The following CSTF2 variants were observed in gnomAD, a reference collection of about 807,000 sequenced individuals.
CSTF2 encodes CF-1 64 kDa subunit.
CSTF2 carries 8 observed loss-of-function variants against 45.4 expected under a neutral mutation model. That is an observed-to-expected ratio of 0.18 (90% CI 0.10 to 0.32). CSTF2 has a LOEUF of 0.32. CSTF2 is among the 10% of genes least tolerant of loss of function. The pLI is 1.00. For missense variants in CSTF2, 253 were observed against 477.1 expected, an observed-to-expected ratio of 0.53 and a Z score of 4.38; for synonymous variants, 155 against 158.9, an observed-to-expected ratio of 0.98 and a Z score of 0.18.
chrX:100,831,945 A>G (rs1271925909), intron 9 of CSTF2, among the ~76,000 whole-genome samples: 1 of 112,503 alleles, frequency 8.9e-6, no homozygotes, highest in Non-Finnish European at 1.9e-5. Flanking sequence ...GGCCGGGTGC[A>G]GTGGCTGACG....
At chrX:100,825,379 TGGG>T (rs1321767105) in intron 6 of CSTF2, among the ~76,000 whole-genome samples, 2 of 110,867 alleles carry the variant, frequency 1.8e-5, no homozygotes, top group African/African-American at 6.5e-5. Flanking sequence ...AGTAGAAAAA[TGGG>T]AAATAGACAT....
At chrX:100,825,969 T>TC (rs1209485640) in intron 6 of CSTF2, among the ~76,000 whole-genome samples, 1 of 111,920 alleles carries the variant, frequency 8.9e-6, no homozygotes, top group African/African-American at 3.2e-5. Context: ...AGTTTTGTGT[T>TC]CCTTAAACGT....
chrX:100,838,167 T>A (rs1273877454), intron 12 of CSTF2, 72 bp from the exon 13 acceptor site: 4 of 1,025,195 alleles, frequency 3.9e-6, no homozygotes, highest in Non-Finnish European at 5.1e-6. Context: ...TGGTGGTGGG[T>A]TTTTTGTTTT....
At chrX:100,821,013 G>T (rs1015844740) in intron 1 of CSTF2, among the ~76,000 whole-genome samples, 54 of 112,665 alleles carry the variant, frequency 4.8e-4, no homozygotes, top group African/African-American at 1.7e-3. Context: ...AAACGATTCT[G>T]AATTATCTTT....
chrX:100,820,523 C>A, intron 1 of CSTF2, 49 bp downstream of exon 1: 1 of 1,136,864 alleles, frequency 8.8e-7, no homozygotes, highest in Non-Finnish European at 1.2e-6. Flanking sequence ...CTCCCCTCTG[C>A]ACCTTCTATC....
intron 1 of CSTF2, chrX:100,820,790 A>C: frequency 2.5e-6 from 1 of 402,713 alleles, no homozygotes. Flanking sequence ...ACTACTTCTC[A>C]TCCTCTGCCC....
intron 3 of CSTF2, 186 bp downstream of exon 3, chrX:100,822,606 AT>A (rs1056585277): frequency 1.4e-5 from 6 of 437,959 alleles, no homozygotes; most frequent in Admixed American, 4.1e-5. Flanking sequence ...CTTTTTATAA[AT>A]TTTTTTTCAA....
In CSTF2 at chrX:100,833,268, C is replaced by G. The variant is rs762593000; in HGVS notation, c.1296C>G (p.Ala432=). 1.7e-6 allele frequency: 2 copies of G among 1,207,503 alleles called. No homozygotes were observed. Among genetic ancestry groups the G allele is most frequent in the African/African-American group, 3.5e-5 (2 of 56,753 alleles). The change falls in exon 11 of 14, where the codon GCC becomes GCG. Residue 432 remains alanine, a synonymous_variant. Coordinates refer to ENST00000372972, the MANE Select transcript of CSTF2 (RefSeq NM_001325.3). ...GGTTAGATGCCAGAGGATTAGAGGC[C>G]CGTGCAATGGAGGCCCGTGCGATGG... is the stretch of plus-strand genomic sequence containing the variant. ...ARGLDARGLE[A]RAMEARAMEA...
Position 100,833,300 on chromosome X carries a change from G to A in CSTF2, c.1328G>A (p.Arg443His), listed in dbSNP as rs938484330. 13 of 1,208,322 alleles carry A rather than the reference G, an allele frequency of 1.1e-5. No homozygotes were observed. The highest frequency in any genetic ancestry group is 1.8e-5 in the African/African-American group (1 of 56,911). Reference sequence around the variant, plus strand: ...ATGGAGGCCCGTGCGATGGAAGCTCGTGCAATGGAGGCCCGAGCGATGGAG... The same window carrying A: ...ATGGAGGCCCGTGCGATGGAAGCTCATGCAATGGAGGCCCGAGCGATGGAG... ...RAMEARAMEARAMEARAMEAR... is the reference protein window; with the variant it reads ...RAMEARAMEAHAMEARAMEAR... Residue 443 changes from arginine to histidine, a missense_variant, in exon 11 of 14, where the codon CGT becomes CAT. Transcript: ENST00000372972.
intron 8 of CSTF2, among the ~76,000 whole-genome samples, chrX:100,829,850 C>T (rs946238505): frequency 5.3e-5 from 6 of 112,391 alleles, no homozygotes; most frequent in African/African-American, 1.6e-4. Flanking sequence ...AGCTGTTTAA[C>T]GCATACTTGC....
intron 9 of CSTF2, among the ~76,000 whole-genome samples, chrX:100,831,943 G>C (rs1368171698): frequency 8.9e-6 from 1 of 112,493 alleles, no homozygotes; most frequent in Non-Finnish European, 1.9e-5. Flanking sequence ...TAGGCCGGGT[G>C]CAGTGGCTGA....
chrX:100,840,509 T>C (rs1033140061), intron 13 of CSTF2, among the ~76,000 whole-genome samples: 4 of 111,709 alleles, frequency 3.6e-5, no homozygotes, highest in African/African-American at 1.3e-4. Context: ...ATGTCAGTAG[T>C]GCTGAGGTTG....
chrX:100,832,566 A>T (rs763606099), intron 9 of CSTF2, among the ~76,000 whole-genome samples, 168 bp from the exon 10 acceptor site: 201 of 112,319 alleles, frequency 1.8e-3, no homozygotes, highest in African/African-American at 6.0e-3. Flanking sequence ...ATTCTAGAAT[A>T]CATGGATTTA....
chrX:100,838,166 GTT>G (rs1467991517), intron 12 of CSTF2, 71 bp from the exon 13 acceptor site: 13 of 1,018,713 alleles, frequency 1.3e-5, no homozygotes, highest in Non-Finnish European at 1.7e-5. Context: ...CTGGTGGTGG[GTT>G]TTTTGTTTTG....
At chrX:100,835,899 C>T (rs2085005327) in intron 11 of CSTF2, among the ~76,000 whole-genome samples, 2 of 111,181 alleles carry the variant, frequency 1.8e-5, no homozygotes, top group Non-Finnish European at 3.8e-5. Flanking sequence ...TACTCAATTC[C>T]GAATTGTGCT....
Position 100,832,719 on chromosome X carries a change from T to G in CSTF2, c.1032-15T>G. Reference sequence around the variant, plus strand: ...TTGTTCTATTTTAAAATACAACGTTTTTCTCCATCTCCAGAGGTTACTTGG... The same window carrying G: ...TTGTTCTATTTTAAAATACAACGTTGTTCTCCATCTCCAGAGGTTACTTGG... On this transcript the variant is annotated splice_polypyrimidine_tract_variant and intron_variant, in intron 9 of 13. Transcript: ENST00000372972. 8.4e-7 allele frequency: 1 copy of G among 1,184,976 alleles called. No individual in the cohort carries two copies. The highest frequency in any genetic ancestry group is 1.1e-6 in the Non-Finnish European group (1 of 882,196).
chrX:100,833,003 C>T, intron 10 of CSTF2, 94 bp downstream of exon 10: 2 of 1,032,427 alleles, frequency 1.9e-6, no homozygotes, highest in African/African-American at 3.8e-5. Flanking sequence ...GGTTTGCAAG[C>T]ATCTTTAAGG....
Position 100,832,763 on chromosome X carries a change from C to T in CSTF2, c.1061C>T (p.Pro354Leu). The T allele has an allele frequency of 8.3e-7, 1 of 1,209,367 alleles. No individual in the cohort carries two copies. The highest frequency in any genetic ancestry group is 3.0e-5 in the East Asian group (1 of 33,813). Residue 354 changes from proline to leucine, a missense_variant, in exon 10 of 14, where the codon CCA (proline) becomes CTA (leucine). Pro to Leu is a moderately conservative substitution (Grantham distance 98). Around this residue, in one of 3 missense-constraint regions of CSTF2, gnomAD observed 200 missense variants for 294.0 expected, o/e 0.68. Transcript: ENST00000372972. Reference sequence around the variant, plus strand: ...TACTTGGGACCACCTCATCAGGGTCCACCCATGCACCATGTCCCTGGCCAT... The same window carrying T: ...TACTTGGGACCACCTCATCAGGGTCTACCCATGCACCATGTCCCTGGCCAT... Reference protein sequence around the residue: ...RGYLGPPHQGPPMHHVPGHES... With the variant: ...RGYLGPPHQGLPMHHVPGHES...
intron 8 of CSTF2, among the ~76,000 whole-genome samples, chrX:100,829,895 T>G (rs2084965294): frequency 8.9e-6 from 1 of 112,408 alleles, no homozygotes; most frequent in Non-Finnish European, 1.9e-5. Context: ...ATCTTCACCT[T>G]TTTGTCAGAA....
Sources: allele counts gnomAD v4.1 joint callset (sites outside exome capture counted in the v4.1 genomes callset), GRCh38; gene constraint gnomAD v4.1.1; regional missense constraint gnomAD v4.1.1; transcripts MANE v1.5; gene names NCBI Gene and HGNC (gene_info 2026-07-23, HGNC 2026-07-21).